The following ST6GALNAC3 variants were observed in gnomAD, a reference collection of about 807,000 sequenced individuals.
The protein encoded by ST6GALNAC3 is ST6 N-acetylgalactosaminide alpha-2,6-sialyltransferase 3, also known as alpha-N-acetylgalactosaminide alpha-2,6-sialyltransferase 3.
ST6GALNAC3 carries 25 observed loss-of-function variants against 32.7 expected under a neutral mutation model. The observed-to-expected ratio is 0.76, with a 90% confidence interval of 0.56 to 1.07. The LOEUF is 1.07. ST6GALNAC3 is among the 50% of genes least tolerant of loss of function. The pLI is 0.00. For synonymous variants in ST6GALNAC3, 129 were observed against 133.1 expected (o/e 0.97, Z 0.21); for missense variants, 355 against 382.4 (o/e 0.93, Z 0.60).
intron 3 of ST6GALNAC3, among the ~76,000 whole-genome samples, chr1:76,530,328 G>C (rs747797640): frequency 4.6e-5 from 7 of 152,062 alleles, no homozygotes; most frequent in Non-Finnish European, 1.0e-4. Context: ...AAACCAGCAG[G>C]GCTGACCTGA....
intron 3 of ST6GALNAC3, among the ~76,000 whole-genome samples, chr1:76,502,073 TC>T (rs760672564): frequency 9.9e-5 from 15 of 152,086 alleles, no homozygotes; most frequent in Admixed American, 2.0e-4. Flanking sequence ...GCGCCTCTTA[TC>T]AGGAAAAAAA....
chr1:76,146,060 C>T (rs1403875673), intron 1 of ST6GALNAC3, among the ~76,000 whole-genome samples: 2 of 152,188 alleles, frequency 1.3e-5, no homozygotes, highest in Admixed American at 1.3e-4. Context: ...TACAGACAAT[C>T]TGCTAAGCAG....
intron 1 of ST6GALNAC3, among the ~76,000 whole-genome samples, chr1:76,086,920 C>T (rs1646972846): frequency 6.6e-6 from 1 of 152,148 alleles, no homozygotes; most frequent in African/African-American, 2.4e-5. Context: ...TTCTCTCTTC[C>T]TATTTCTAAG....
intron 1 of ST6GALNAC3, 41 bp downstream of exon 1, chr1:76,074,925 G>GC: frequency 6.3e-7 from 1 of 1,575,350 alleles, no homozygotes; most frequent in Non-Finnish European, 8.6e-7. Flanking sequence ...TGGTTGGCCA[G>GC]CCCCTTGCTG....
At chr1:76,219,821 T>G (rs2100600523) in intron 1 of ST6GALNAC3, among the ~76,000 whole-genome samples, 1 of 152,312 alleles carries the variant, frequency 6.6e-6, no homozygotes, top group South Asian at 2.1e-4. Context: ...TTTAACGCAG[T>G]CATAGTTCTT....
intron 3 of ST6GALNAC3, among the ~76,000 whole-genome samples, chr1:76,468,851 A>T (rs776479004): frequency 1.3e-5 from 2 of 152,056 alleles, no homozygotes; most frequent in African/African-American, 4.8e-5. Context: ...GTAAATACTT[A>T]TGAAGTAGAG....
At chr1:76,288,242 A>G (rs1570701683) in intron 1 of ST6GALNAC3, among the ~76,000 whole-genome samples, 1 of 152,228 alleles carries the variant, frequency 6.6e-6, no homozygotes. Context: ...TGATTATTGT[A>G]TCTTCTCCAA....
At chr1:76,201,415 T>A (rs1294352743) in intron 1 of ST6GALNAC3, among the ~76,000 whole-genome samples, 1 of 152,172 alleles carries the variant, frequency 6.6e-6, no homozygotes, top group Non-Finnish European at 1.5e-5. Context: ...CCCCCATGAT[T>A]CAATTACCTT....
At chr1:76,356,216 T>C (rs1191183591) in intron 2 of ST6GALNAC3, among the ~76,000 whole-genome samples, 1 of 152,154 alleles carries the variant, frequency 6.6e-6, no homozygotes, top group African/African-American at 2.4e-5. Flanking sequence ...TTGTATCTCC[T>C]GGATATTTCT....
At chr1:76,153,262 C>G (rs1401171561) in intron 1 of ST6GALNAC3, among the ~76,000 whole-genome samples, 1 of 152,112 alleles carries the variant, frequency 6.6e-6, no homozygotes, top group Non-Finnish European at 1.5e-5. Context: ...TATTTGCATA[C>G]CCTCTGAAGT....
intron 2 of ST6GALNAC3, among the ~76,000 whole-genome samples, chr1:76,347,550 C>T (rs946335396): frequency 1.3e-5 from 2 of 151,902 alleles, no homozygotes; most frequent in Non-Finnish European, 2.9e-5. Context: ...TATAGATGTA[C>T]TCCTAGAAAG....
chr1:76,281,722 T>A (rs1270475099), intron 1 of ST6GALNAC3, among the ~76,000 whole-genome samples: 1 of 152,194 alleles, frequency 6.6e-6, no homozygotes, highest in African/African-American at 2.4e-5. Flanking sequence ...GTTTGGTCCT[T>A]GGGAAGGTCT....
intron 3 of ST6GALNAC3, among the ~76,000 whole-genome samples, chr1:76,568,069 A>T (rs576388846): frequency 2.6e-5 from 4 of 152,216 alleles, no homozygotes; most frequent in Non-Finnish European, 5.9e-5. Flanking sequence ...ATCATATCTT[A>T]TTCTTTCATA....
At chr1:76,354,353 T>TTG (rs1489690231) in intron 2 of ST6GALNAC3, 2 of 152,252 alleles carry the variant, frequency 1.3e-5, no homozygotes, top group African/African-American at 4.8e-5. Context: ...TTCTTTTCTG[T>TTG]TGTCCTCCCA....
intron 1 of ST6GALNAC3, among the ~76,000 whole-genome samples, chr1:76,213,341 A>G (rs1172651740): frequency 3.3e-5 from 5 of 152,192 alleles, no homozygotes; most frequent in African/African-American, 9.7e-5. Flanking sequence ...TGTCCTCGAA[A>G]CACAACATGG....
intron 1 of ST6GALNAC3, among the ~76,000 whole-genome samples, chr1:76,228,617 G>C (rs1277826709): frequency 1.3e-5 from 2 of 152,144 alleles, no homozygotes; most frequent in Non-Finnish European, 2.9e-5. Flanking sequence ...CAGAGCTCTA[G>C]AGGAACTATT....
At chr1:76,471,898 A>C (rs1012482143) in intron 3 of ST6GALNAC3, among the ~76,000 whole-genome samples, 1 of 151,608 alleles carries the variant, frequency 6.6e-6, no homozygotes, top group African/African-American at 2.4e-5. Context: ...GGACATTTTC[A>C]GCAATTGCAA....
intron 3 of ST6GALNAC3, among the ~76,000 whole-genome samples, chr1:76,415,897 G>T (rs976112063): frequency 6.6e-6 from 1 of 151,866 alleles, no homozygotes; most frequent in Admixed American, 6.6e-5. Context: ...AGTTCAAACC[G>T]AAACTTTCAA....
intron 2 of ST6GALNAC3, among the ~76,000 whole-genome samples, chr1:76,400,716 ATC>A (rs1653345482): frequency 6.6e-6 from 1 of 151,756 alleles, no homozygotes; most frequent in South Asian, 2.1e-4. Context: ...GTGAAACCTC[ATC>A]TCTAGCACAA....
Sources: allele counts gnomAD v4.1 joint callset (sites outside exome capture counted in the v4.1 genomes callset), GRCh38; gene constraint gnomAD v4.1.1; transcripts MANE v1.5; gene names NCBI Gene and HGNC (gene_info 2026-07-23, HGNC 2026-07-21).